RAB31: variants seen among roughly 807,000 people sequenced by gnomAD.
The protein encoded by RAB31 is RAB31, member RAS oncogene family, also known as ras-related protein Rab-31.
A neutral mutation model predicts 25.6 loss-of-function variants in RAB31; 21 were observed. That is an observed-to-expected ratio of 0.82 (90% confidence interval 0.58 to 1.18). The LOEUF (loss-of-function observed/expected upper bound fraction) is 1.18. RAB31 is among the 50% of genes most tolerant of loss of function. The pLI is 0.00. For synonymous variants in RAB31, 87 were observed against 84.0 expected, an observed-to-expected ratio of 1.04 and a Z score of -0.20; for missense variants, 196 against 250.1, an observed-to-expected ratio of 0.78 and a Z score of 1.46.
At chr18:9,777,941 G>A (rs1333965726) in intron 2 of RAB31, among the ~76,000 whole-genome samples, 2 of 151,976 alleles carry the variant, frequency 1.3e-5, no homozygotes, top group East Asian at 3.9e-4. Flanking sequence ...TTTTAATAGA[G>A]ATGGGGTTTC....
At chr18:9,817,726 G>A (rs368442353) in intron 5 of RAB31, among the ~76,000 whole-genome samples, 79 of 152,306 alleles carry the variant, frequency 5.2e-4, no homozygotes, top group African/African-American at 1.9e-3. Flanking sequence ...GCTGTGTTTC[G>A]GGGTGGAATT....
chr18:9,714,297 G>A (rs774066251), intron 1 of RAB31, among the ~76,000 whole-genome samples: 7 of 152,202 alleles, frequency 4.6e-5, no homozygotes, highest in Non-Finnish European at 7.3e-5. Context: ...ACTGTTCCAC[G>A]TCAGATCATC....
rs191301642 is a variant in RAB31 at position 9,796,502 on chromosome 18, T to C, written c.201+4267T>C. Among the ~76,000 whole-genome samples, 31 of 152,314 alleles carry C rather than the reference T, an allele frequency of 2.0e-4. 1 individual carries two copies. Among genetic ancestry groups the C allele is most frequent in the Admixed American group, 2.0e-3 (31 of 15,302 alleles). On this transcript the variant is annotated intron_variant, in intron 3 of 6. Coordinates refer to ENST00000578921, the MANE Select transcript of RAB31 (RefSeq NM_006868.4). The stretch of plus-strand genomic sequence containing the variant: ...CTAGTTCAGAGTCTCTGATACATAC[T>C]GTAAAATCCACCTGTTATTTGGACC...
At chr18:9,813,419 G>A (rs1184358261) in intron 3 of RAB31, among the ~76,000 whole-genome samples, 1 of 152,186 alleles carries the variant, frequency 6.6e-6, no homozygotes, top group African/African-American at 2.4e-5. Flanking sequence ...GAAATGATGA[G>A]CAGCAGGGAA....
chr18:9,727,528 C>T (rs2068101397), intron 1 of RAB31, among the ~76,000 whole-genome samples: 2 of 152,272 alleles, frequency 1.3e-5, no homozygotes, highest in East Asian at 1.9e-4. Context: ...GTTGTCGAGG[C>T]TGGTCTCGAA....
chr18:9,774,471 C>G (rs2068361832), intron 1 of RAB31, among the ~76,000 whole-genome samples: 1 of 152,190 alleles, frequency 6.6e-6, no homozygotes, highest in Non-Finnish European at 1.5e-5. Context: ...TGACTTGCTT[C>G]TTTATTGGCT....
At position 9,720,844 on chromosome 18, in the gene RAB31, G is replaced by A. The variant is rs9960192; in HGVS notation, c.39+12400G>A. Among the ~76,000 whole-genome samples the A allele has an allele frequency of 5.7e-3, 870 of 152,226 alleles. 11 individuals carry two copies. The highest frequency in any genetic ancestry group is 0.02 in the African/African-American group (813 of 41,524). ...AAGTGGTACACTGGTAATGAAATTG[G>A]AAAGTGACTCTAGGTCCGATTATAA... On this transcript the variant is annotated intron_variant, in intron 1 of 6. Transcript: ENST00000578921.
At chr18:9,794,711 A>G (rs185257838) in intron 3 of RAB31, among the ~76,000 whole-genome samples, 1 of 152,292 alleles carries the variant, frequency 6.6e-6, no homozygotes, top group Non-Finnish European at 1.5e-5. Context: ...ACTACTTGGG[A>G]GGCTGAGGCA....
chr18:9,780,669 G>A (rs2068398658), intron 2 of RAB31, among the ~76,000 whole-genome samples: 1 of 152,152 alleles, frequency 6.6e-6, no homozygotes, highest in East Asian at 1.9e-4. Flanking sequence ...GGTGGCTCAC[G>A]CCTGTAATCC....
At chr18:9,819,991 T>C (rs1220400346) in intron 5 of RAB31, among the ~76,000 whole-genome samples, 1 of 152,084 alleles carries the variant, frequency 6.6e-6, no homozygotes, top group Non-Finnish European at 1.5e-5. Flanking sequence ...TACAAGATTA[T>C]ATTATCTGGG....
intron 1 of RAB31, among the ~76,000 whole-genome samples, chr18:9,743,117 A>G (rs2062202172): frequency 6.6e-6 from 1 of 152,120 alleles, no homozygotes. Flanking sequence ...AGCTTTAAGA[A>G]TTCAGCCCCT....
At chr18:9,752,180 A>C (rs2068238489) in intron 1 of RAB31, among the ~76,000 whole-genome samples, 1 of 152,098 alleles carries the variant, frequency 6.6e-6, no homozygotes, top group South Asian at 2.1e-4. Flanking sequence ...CCGTGCTTGC[A>C]TTGACTGATT....
At chr18:9,825,361 C>T (rs1481149042) in intron 5 of RAB31, among the ~76,000 whole-genome samples, 4 of 152,078 alleles carry the variant, frequency 2.6e-5, no homozygotes, top group Non-Finnish European at 5.9e-5. Flanking sequence ...GTCTGGAGAG[C>T]CCTACAGGAC....
chr18:9,732,054 G>A (rs533882722), intron 1 of RAB31, among the ~76,000 whole-genome samples: 6 of 152,304 alleles, frequency 3.9e-5, no homozygotes, highest in Admixed American at 6.5e-5. Flanking sequence ...AAATGCAGAA[G>A]ACACACAGGA....
rs1381261377 is a variant in RAB31, at chr18:9,811,306, C to T, written c.202-2714C>T. 1.3e-5 allele frequency among the ~76,000 whole-genome samples: 2 copies of T among 152,204 alleles called. 1 individual carries two copies. The highest frequency in any genetic ancestry group is 2.9e-5 in the Non-Finnish European group (2 of 68,038). ...CAGGATGGAGACCTGCATGGAGGGA[C>T]TGGAGGCAGGGAGGGTGGCCCACTT... is the stretch of plus-strand genomic sequence containing the variant. On this transcript the variant is annotated intron_variant, in intron 3 of 6. Transcript: ENST00000578921.
intron 2 of RAB31, among the ~76,000 whole-genome samples, chr18:9,790,393 T>G (rs1479335703): frequency 7.2e-6 from 1 of 138,492 alleles, no homozygotes; most frequent in Non-Finnish European, 1.7e-5. Context: ...CTCAGCTGAT[T>G]TAAAAAAAAA....
At chr18:9,821,772 A>G (rs539946363) in intron 5 of RAB31, among the ~76,000 whole-genome samples, 17 of 152,310 alleles carry the variant, frequency 1.1e-4, no homozygotes, top group South Asian at 6.2e-4. Flanking sequence ...TAGGAGCTGT[A>G]TGCTGAAAAG....
chr18:9,758,395 C>T (rs1488395390), intron 1 of RAB31, among the ~76,000 whole-genome samples: 8 of 151,938 alleles, frequency 5.3e-5, no homozygotes, highest in Non-Finnish European at 1.2e-4. Flanking sequence ...TGTCTGACCA[C>T]GCTGACTCAC....
Position 9,731,415 on chromosome 18 carries a change from T to G in RAB31, c.39+22971T>G, listed in dbSNP as rs558053099. ...AGAGAGAATCGTTATGTTAGAAAAT[T>G]AACTTGTGCAAGGTGACATAAAATT... On this transcript the variant is annotated intron_variant, in intron 1 of 6. Coordinates refer to ENST00000578921, the MANE Select transcript of RAB31 (RefSeq NM_006868.4). 4.6e-5 allele frequency among the ~76,000 whole-genome samples: 7 copies of G among 152,306 alleles called. No individual in the cohort carries two copies. In the East Asian group the frequency reaches 1.3e-3, roughly 29 times the overall value.
Sources: gnomAD v4.1 joint callset for allele counts (sites outside exome capture counted in the v4.1 genomes callset) on GRCh38, gnomAD v4.1.1 for gene constraint, MANE v1.5 for transcripts, NCBI Gene and HGNC (gene_info 2026-07-23, HGNC 2026-07-21) for gene names.